Variants in ATP11C observed in about 807,000 individuals in gnomAD.
The protein encoded by ATP11C is ATPase phospholipid transporting 11C (ATP11C blood group).
ATP11C carries 36 observed loss-of-function variants against 97.4 expected under a neutral mutation model. The observed-to-expected ratio is 0.37, with a 90% confidence interval of 0.28 to 0.49. The LOEUF (loss-of-function observed/expected upper bound fraction) is 0.49, where lower values mean the gene tolerates loss of function less well. Among genes scored for constraint, ATP11C ranks in the 20% least tolerant of loss-of-function variants. ATP11C has a pLI of 0.98. For missense variants in ATP11C, 730 were observed against 824.6 expected, an observed-to-expected ratio of 0.89 and a Z score of 1.40; for synonymous variants, 275 against 290.9, an observed-to-expected ratio of 0.95 and a Z score of 0.56.
chrX:139,913,709 C>T (rs1462058084), intron 1 of ATP11C, among the ~76,000 whole-genome samples: 1 of 111,207 alleles, frequency 9.0e-6, no homozygotes, highest in African/African-American at 3.3e-5. Context: ...CTACCCAAAT[C>T]CTATAAAACA....
At chrX:139,800,566 T>C (rs1276286496) in intron 7 of ATP11C, among the ~76,000 whole-genome samples, 1 of 111,744 alleles carries the variant, frequency 8.9e-6, no homozygotes, top group Non-Finnish European at 1.9e-5. Flanking sequence ...GATTTCTAGG[T>C]CCCATCCCTG....
chrX:139,913,415 T>C lies in ATP11C; in HGVS notation c.27+18601A>G, dbSNP rs7891971. ...CAGATCAGTGTAAAACTAAACAGTA[T>C]ACCCCTATTAAAAACCCATAAACAG... On this transcript the variant is annotated intron_variant, in intron 1 of 29. Coordinates refer to ENST00000682941, the MANE Select transcript of ATP11C (RefSeq NM_001353812.2). 5.7e-3 allele frequency among the ~76,000 whole-genome samples: 638 copies of C among 111,952 alleles called. 11 individuals are homozygous for C. The highest frequency in any genetic ancestry group is 0.019 in the African/African-American group (586 of 30,842).
chrX:139,798,834 A>C, intron 8 of ATP11C, 91 bp from the exon 9 acceptor site: 1 of 629,033 alleles, frequency 1.6e-6, no homozygotes, highest in Non-Finnish European at 2.6e-6. Context: ...ACCTATCTCC[A>C]AGGGGTTCAG....
At chrX:139,745,969 C>G in intron 24 of ATP11C, 112 bp from the exon 25 acceptor site, 1 of 828,539 alleles carries the variant, frequency 1.2e-6, no homozygotes, top group East Asian at 3.3e-5. Flanking sequence ...GGGGGCTACC[C>G]TTAATGGCCT....
chrX:139,839,922 T>G (rs978834985), intron 1 of ATP11C, among the ~76,000 whole-genome samples: 1 of 110,745 alleles, frequency 9.0e-6, no homozygotes, highest in East Asian at 2.8e-4. Flanking sequence ...TTCCACTGTT[T>G]CCCTCGGCAT....
At chrX:139,773,115 T>A (rs936885665) in intron 19 of ATP11C, among the ~76,000 whole-genome samples, 1 of 111,020 alleles carries the variant, frequency 9.0e-6, no homozygotes, top group African/African-American at 3.3e-5. Flanking sequence ...TATAGTGAAT[T>A]AACTCTCATG....
At chrX:139,877,851 G>A (rs777029793) in intron 1 of ATP11C, among the ~76,000 whole-genome samples, 23 of 111,516 alleles carry the variant, frequency 2.1e-4, no homozygotes, top group African/African-American at 7.2e-4. Flanking sequence ...ATGAAACCCC[G>A]TCTCTACCAA....
At chrX:139,766,555 G>A (rs1031845056) in intron 20 of ATP11C, among the ~76,000 whole-genome samples, 2 of 111,633 alleles carry the variant, frequency 1.8e-5, no homozygotes, top group African/African-American at 6.5e-5. Flanking sequence ...CTAGAAGGCA[G>A]ACAGAAGAAA....
chrX:139,789,184 CAG>C, intron 13 of ATP11C, 141 bp downstream of exon 13: 2 of 403,918 alleles, frequency 5.0e-6, no homozygotes, highest in South Asian at 1.2e-4. Context: ...GCCTGGGCAA[CAG>C]AGTGAGACTC....
chrX:139,745,623 G>T, intron 25 of ATP11C, 99 bp downstream of exon 25: 1 of 901,966 alleles, frequency 1.1e-6, no homozygotes, highest in Non-Finnish European at 1.5e-6. Flanking sequence ...TTTGTAAAAT[G>T]ATTACAGCTA....
At chrX:139,864,800 C>A (rs2084256276) in intron 1 of ATP11C, among the ~76,000 whole-genome samples, 1 of 111,867 alleles carries the variant, frequency 8.9e-6, no homozygotes, top group Admixed American at 9.5e-5. Flanking sequence ...GCCTTTTTTG[C>A]AACATATTAC....
At chrX:139,780,566 A>G (rs1221542685) in intron 18 of ATP11C, among the ~76,000 whole-genome samples, 2 of 110,919 alleles carry the variant, frequency 1.8e-5, no homozygotes, top group Non-Finnish European at 3.8e-5. Flanking sequence ...CCTCAAAATA[A>G]TAAGAACCCT....
chrX:139,932,417 G>T lies in ATP11C; in HGVS notation c.-375C>A, dbSNP rs1348838017. On this transcript the variant is annotated 5_prime_UTR_variant, in exon 1 of 30. Transcript: ENST00000682941. Reference sequence around the variant, plus strand: ...GAGCGCGAGGCTCCTCCTGTGGGGAGGGGGCGCCCCCGTCTCTCCGCCAGC... The same window carrying T: ...GAGCGCGAGGCTCCTCCTGTGGGGATGGGGCGCCCCCGTCTCTCCGCCAGC... 9.1e-6 allele frequency: 1 copy of T among 109,795 alleles called. No individual in the cohort carries two copies. Among genetic ancestry groups the T allele is most frequent in the Admixed American group, 9.4e-5 (1 of 10,626 alleles). The allele number at this position is 109,795 out of a possible 1,213,427, so 9.0% of individuals were successfully genotyped here. A position where few individuals can be genotyped will look rare whatever the true frequency, so the allele number is the denominator to read the frequency against.
At chrX:139,893,521 G>A (rs895097177) in intron 1 of ATP11C, among the ~76,000 whole-genome samples, 17 of 111,903 alleles carry the variant, frequency 1.5e-4, no homozygotes, top group African/African-American at 5.5e-4. Flanking sequence ...TATATGAAAC[G>A]TTTTGTGGGA....
chrX:139,836,705 T>C lies in ATP11C; in HGVS notation c.28-9882A>G, dbSNP rs142352405. 2.4e-3 allele frequency among the ~76,000 whole-genome samples: 265 copies of C among 111,715 alleles called. 2 individuals carry two copies. Among genetic ancestry groups the C allele is most frequent in the African/African-American group, 8.3e-3 (254 of 30,693 alleles). ...TAATTTTGGTACACTAGAGGGTACA[T>C]TGGTTCTTTCAGGCTTTTAAGATGC... On this transcript the variant is annotated intron_variant, in intron 1 of 29. Coordinates refer to ENST00000682941, the MANE Select transcript of ATP11C (RefSeq NM_001353812.2).
intron 1 of ATP11C, among the ~76,000 whole-genome samples, chrX:139,870,693 T>G (rs2084358195): frequency 8.9e-6 from 1 of 112,561 alleles, no homozygotes; most frequent in African/African-American, 3.2e-5. Flanking sequence ...CCATATGAAA[T>G]AATTTGTAAT....
chrX:139,840,043 T>G (rs999851086), intron 1 of ATP11C, among the ~76,000 whole-genome samples: 3 of 111,623 alleles, frequency 2.7e-5, no homozygotes, highest in Admixed American at 1.9e-4. Context: ...AGACCAACAA[T>G]TTGTTCTCCA....
At chrX:139,880,276 T>C (rs1027749975) in intron 1 of ATP11C, among the ~76,000 whole-genome samples, 10 of 111,526 alleles carry the variant, frequency 9.0e-5, no homozygotes, top group African/African-American at 3.3e-4. Flanking sequence ...CAGAGGACTT[T>C]AGCAGGAGAA....
At chrX:139,774,551 G>C (rs2082313074) in intron 19 of ATP11C, 139 bp downstream of exon 19, 2 of 527,719 alleles carry the variant, frequency 3.8e-6, no homozygotes, top group South Asian at 4.0e-5. Context: ...CAAGTCCTCA[G>C]GGACGATTTT....
Sources: allele counts gnomAD v4.1 joint callset (sites outside exome capture counted in the v4.1 genomes callset), GRCh38; gene constraint gnomAD v4.1.1; transcripts MANE v1.5; gene names NCBI Gene and HGNC (gene_info 2026-07-23, HGNC 2026-07-21).